Variants in MED15 observed in about 807,000 individuals in gnomAD.
MED15 encodes the protein mediator complex subunit 15, also known as mediator of RNA polymerase II transcription subunit 15.
MED15 carries 41 observed loss-of-function variants against 118.7 expected under a neutral mutation model. The ratio of observed to expected loss-of-function variants is 0.35; its 90% CI spans 0.27 to 0.45. The LOEUF (loss-of-function observed/expected upper bound fraction) is 0.45, where lower values mean the gene tolerates loss of function less well. Among genes scored for constraint, MED15 ranks in the 20% least tolerant of loss-of-function variants. MED15 has a pLI of 1.00. For synonymous variants in MED15, 436 were observed against 413.9 expected, an observed-to-expected ratio of 1.05 and a Z score of -0.65; for missense variants, 740 against 1,025.5, an observed-to-expected ratio of 0.72 and a Z score of 3.80.
At chr22:20,567,652 G>A (rs564189719) in intron 7 of MED15, among the ~76,000 whole-genome samples, 5 of 152,260 alleles carry the variant, frequency 3.3e-5, no homozygotes, top group African/African-American at 1.2e-4. Context: ...GGTGGAATGT[G>A]CCCTGGCAGG....
intron 8 of MED15, among the ~76,000 whole-genome samples, chr22:20,572,626 A>G (rs1310167480): frequency 8.2e-6 from 1 of 121,652 alleles, no homozygotes; most frequent in Non-Finnish European, 1.8e-5. Context: ...TCTCCCCTAT[A>G]AAACCAAGAC....
chr22:20,586,334 A>G (rs2057134473), intron 17 of MED15, among the ~76,000 whole-genome samples: 1 of 151,944 alleles, frequency 6.6e-6, no homozygotes, highest in South Asian at 2.1e-4. Context: ...CAGTAGAGCC[A>G]GGCTGGGTCC....
intron 9 of MED15, among the ~76,000 whole-genome samples, chr22:20,575,744 A>G (rs2056804150): frequency 6.7e-6 from 1 of 149,174 alleles, no homozygotes; most frequent in African/African-American, 2.4e-5. Context: ...AAATATATAT[A>G]TAAATGTATA....
Position 20,585,138 on chromosome 22 carries a change from G to T in MED15, c.2002G>T (p.Asp668Tyr). The change falls in exon 16 of 18, where the codon GAT becomes TAT. Residue 668 changes from aspartate (D) to tyrosine (Y), a missense_variant. Asp to Tyr is a radical substitution (Grantham distance 160, BLOSUM62 -3). Around this residue, in one of 7 missense-constraint regions of MED15, gnomAD observed 179 missense variants for 259.0 expected, o/e 0.69. Coordinates refer to ENST00000263205, the MANE Select transcript of MED15 (RefSeq NM_001003891.3). ...VVCTRKRRLEDDERQSIPSVL... is the reference protein window; with the variant it reads ...VVCTRKRRLEYDERQSIPSVL... ...GTGCACCCGGAAGCGCAGGCTTGAG[G>T]ATGATGAGCGGCAGAGCATCCCCAG... The T allele has an allele frequency of 6.2e-7, 1 of 1,613,724 alleles. No homozygotes were observed. The highest frequency in any genetic ancestry group is 8.5e-7 in the Non-Finnish European group (1 of 1,179,990).
intron 5 of MED15, among the ~76,000 whole-genome samples, chr22:20,561,686 C>G (rs998301030): frequency 1.3e-5 from 2 of 152,060 alleles, no homozygotes; most frequent in Non-Finnish European, 2.9e-5. Flanking sequence ...GAAACACACA[C>G]CTACAATAAA....
intron 5 of MED15, among the ~76,000 whole-genome samples, chr22:20,561,202 C>A (rs761490500): frequency 1.3e-5 from 2 of 151,778 alleles, no homozygotes; most frequent in African/African-American, 2.4e-5. Flanking sequence ...AAAATGCAAT[C>A]AAAAAAGACA....
chr22:20,551,386 G>C, intron 2 of MED15, 50 bp from the exon 3 acceptor site: 2 of 1,554,562 alleles, frequency 1.3e-6, no homozygotes, highest in Non-Finnish European at 1.8e-6. Context: ...GGAGTCCGAT[G>C]ACTGCGCTTC....
chr22:20,558,069 C>T (rs1352052497), intron 5 of MED15, among the ~76,000 whole-genome samples: 1 of 152,172 alleles, frequency 6.6e-6, no homozygotes, highest in East Asian at 1.9e-4. Context: ...CGTGCCACTG[C>T]ACTCCAGCCT....
chr22:20,584,003 T>C (rs1289555272), intron 13 of MED15: 5 of 311,394 alleles, frequency 1.6e-5, no homozygotes, highest in Non-Finnish European at 3.0e-5. Context: ...CTGGATAGAA[T>C]GCCAGTCACT....
Position 20,570,746 on chromosome 22 carries a change from C to CTTTCTTTT in MED15, c.1152+2118_1152+2119insCTTTTTTT, listed in dbSNP as rs1569236484. On this transcript the variant is annotated intron_variant, in intron 8 of 17. Transcript: ENST00000263205. Reference sequence around the variant, plus strand: ...TTTTCTTTTCTTTCTTTCTTTCTTTCTTTTTTTTTTTTTTTTTTTTTTTTT... The same window carrying CTTTCTTTT: ...TTTTCTTTTCTTTCTTTCTTTCTTTCTTTCTTTTTTTTTTTTTTTTTTTTTTTTTTTTT... Among the ~76,000 whole-genome samples the CTTTCTTTT allele has an allele frequency of 1.4e-4, 9 of 62,106 alleles. No individual in the cohort carries two copies. The East Asian group carries it at 1.6e-3, about 11-fold the overall frequency. 40.7% of individuals were successfully genotyped at this position (62,106 alleles called of 152,430 possible).
intron 2 of MED15, among the ~76,000 whole-genome samples, chr22:20,544,521 G>T (rs2055445584): frequency 6.6e-6 from 1 of 152,102 alleles, no homozygotes; most frequent in Admixed American, 6.5e-5. Context: ...AAAACAACTA[G>T]CCAGGCGTGG....
At position 20,583,279 on chromosome 22, in the gene MED15, C is replaced by T. The variant is rs953325937; in HGVS notation, c.1672+32C>T. On this transcript the variant is annotated intron_variant, in intron 12 of 17. Coordinates refer to ENST00000263205, the MANE Select transcript of MED15 (RefSeq NM_001003891.3). ...TGCAGCCAGGGCAGGGGCCTGCACC[C>T]TGGGGACACCACCAGGCTTGTGTCT... is the stretch of plus-strand genomic sequence containing the variant. The T allele has an allele frequency of 1.9e-6, 3 of 1,613,268 alleles. No homozygotes were observed. The South Asian group carries it at 3.3e-5, about 18-fold the overall frequency.
At position 20,564,565 on chromosome 22, in the gene MED15, C is replaced by G; in HGVS notation, c.567C>G (p.Phe189Leu). The change falls in exon 6 of 18, where the codon TTC becomes TTG. Residue 189 changes from phenylalanine (F) to leucine (L), a missense_variant. Physicochemically the swap from Phe to Leu is conservative, Grantham distance 22 (BLOSUM62 0). This residue lies in a region of MED15 where 384 missense variants were observed against 506.3 expected (regional missense o/e 0.76). Coordinates refer to ENST00000263205, the MANE Select transcript of MED15 (RefSeq NM_001003891.3). ...AGCAGCAGCAGCAACAGCAGCAGTT[C>G]CAGGCTCAGCAGAGTGCCATGCAGC... ...QQQQQQQQQQ[F>L]QAQQSAMQQQ... The G allele has an allele frequency of 4.4e-6, 7 of 1,606,092 alleles. No homozygotes were observed. The highest frequency in any genetic ancestry group is 6.0e-6 in the Non-Finnish European group (7 of 1,174,234).
At chr22:20,557,074 T>A (rs1330691127) in intron 5 of MED15, among the ~76,000 whole-genome samples, 1 of 152,248 alleles carries the variant, frequency 6.6e-6, no homozygotes, top group Non-Finnish European at 1.5e-5. Context: ...TGGATATCTG[T>A]GTACAGGCTT....
At chr22:20,511,839 G>C (rs1217278111) in intron 1 of MED15, among the ~76,000 whole-genome samples, 1 of 152,054 alleles carries the variant, frequency 6.6e-6, no homozygotes, top group Admixed American at 6.6e-5. Flanking sequence ...CCCTGCTGCA[G>C]AACAATCAGT....
At chr22:20,556,593 C>T (rs1445329059) in intron 5 of MED15, among the ~76,000 whole-genome samples, 1 of 152,164 alleles carries the variant, frequency 6.6e-6, no homozygotes, top group Non-Finnish European at 1.5e-5. Flanking sequence ...AGCCATCACG[C>T]CCAGCCGACT....
chr22:20,547,830 AAAAT>A (rs201979426), intron 2 of MED15, among the ~76,000 whole-genome samples: 13 of 151,892 alleles, frequency 8.6e-5, no homozygotes, highest in African/African-American at 1.9e-4. Flanking sequence ...CTAAAAAATA[AAAAT>A]AAATAAATAA....
chr22:20,518,732 G>A, intron 1 of MED15: 2 of 368,788 alleles, frequency 5.4e-6, no homozygotes, highest in South Asian at 4.0e-5. Flanking sequence ...AAGCAGTGCT[G>A]GCTTTAATTA....
intron 3 of MED15, chr22:20,551,892 C>T: frequency 4.0e-6 from 1 of 251,646 alleles, no homozygotes; most frequent in Non-Finnish European, 7.8e-6. Flanking sequence ...ATTTTCCCTC[C>T]AGACTAGAAG....
Sources: gnomAD v4.1 joint callset for allele counts (sites outside exome capture counted in the v4.1 genomes callset) on GRCh38, gnomAD v4.1.1 for gene constraint, gnomAD v4.1.1 regional missense constraint, MANE v1.5 for transcripts, NCBI Gene and HGNC (gene_info 2026-07-23, HGNC 2026-07-21) for gene names.